The following ADGRL2 variants were observed in gnomAD, a reference collection of about 807,000 sequenced individuals.
The protein encoded by ADGRL2 is calcium-independent alpha-latrotoxin receptor 2.
Under a neutral mutation model 157.4 loss-of-function variants are expected in ADGRL2, and 44 were observed. The observed-to-expected ratio is 0.28, with a 90% CI of 0.22 to 0.36. The LOEUF is 0.36. Ranked by LOEUF, ADGRL2 falls within the 10% of genes least tolerant of loss-of-function variation. ADGRL2 has a pLI of 1.00. For missense variants in ADGRL2, 1,510 were observed against 1,768.9 expected, an observed-to-expected ratio of 0.85 and a Z score of 2.63; for synonymous variants, 585 against 624.7, an observed-to-expected ratio of 0.94 and a Z score of 0.95.
intron 3 of ADGRL2, among the ~76,000 whole-genome samples, chr1:81,593,905 G>A (rs756584584): frequency 6.6e-6 from 1 of 152,164 alleles, no homozygotes; most frequent in Non-Finnish European, 1.5e-5. Context: ...ATTTTGCGAA[G>A]TTTGTTGGCA....
chr1:81,853,497 G>C (rs2093091482), intron 2 of ADGRL2, among the ~76,000 whole-genome samples: 1 of 152,112 alleles, frequency 6.6e-6, no homozygotes, highest in South Asian at 2.1e-4. Context: ...TGTTGGCCCA[G>C]AGATCCTGGT....
At chr1:81,808,684 T>C (rs1306234375) in intron 1 of ADGRL2, among the ~76,000 whole-genome samples, 3 of 152,114 alleles carry the variant, frequency 2.0e-5, no homozygotes, top group African/African-American at 7.2e-5. Flanking sequence ...TAGGTTATTA[T>C]CAGCGACCAA....
chr1:81,730,030 T>C (rs2084667219), intron 1 of ADGRL2, among the ~76,000 whole-genome samples: 1 of 152,150 alleles, frequency 6.6e-6, no homozygotes, highest in African/African-American at 2.4e-5. Context: ...CAGACAAAGA[T>C]GTCAAAGCTG....
At chr1:81,986,044 T>G (rs1475605636) in intron 21 of ADGRL2, among the ~76,000 whole-genome samples, 2 of 152,080 alleles carry the variant, frequency 1.3e-5, no homozygotes, top group Non-Finnish European at 2.9e-5. Flanking sequence ...TCTAGTGAGA[T>G]TCTCATTTAA....
chr1:81,827,596 C>T (rs372779314), intron 1 of ADGRL2, among the ~76,000 whole-genome samples: 12 of 152,186 alleles, frequency 7.9e-5, no homozygotes, highest in African/African-American at 2.9e-4. Context: ...GATAGAATCT[C>T]TCTTCGTCAC....
At chr1:81,334,499 C>T (rs1233581406) in intron 1 of ADGRL2, among the ~76,000 whole-genome samples, 1 of 152,040 alleles carries the variant, frequency 6.6e-6, no homozygotes, top group Non-Finnish European at 1.5e-5. Flanking sequence ...AGGATATTAC[C>T]ATTTTAGTGG....
At chr1:81,425,171 C>A (rs1003228223) in intron 1 of ADGRL2, among the ~76,000 whole-genome samples, 2 of 152,160 alleles carry the variant, frequency 1.3e-5, no homozygotes, top group African/African-American at 2.4e-5. Flanking sequence ...TCTATACTTT[C>A]ATCCTTTTCA....
At chr1:81,542,472 G>A (rs934557243) in intron 2 of ADGRL2, among the ~76,000 whole-genome samples, 21 of 152,282 alleles carry the variant, frequency 1.4e-4, no homozygotes, top group Non-Finnish European at 2.6e-4. Context: ...TAGGCGAGGC[G>A]TGGTTACAGC....
At chr1:81,502,788 C>G in intron 2 of ADGRL2, 2 of 1,613,024 alleles carry the variant, frequency 1.2e-6, no homozygotes. Flanking sequence ...ACAGCTCCTC[C>G]CTCTTTGGCT....
chr1:81,561,813 T>A lies in ADGRL2; in HGVS notation c.-247-19063T>A, dbSNP rs2080449813. Reference sequence around the variant, plus strand: ...TGATATCACTTTGATTATAGGATTTTCATGAAACAATTACTGCTCTATGTC... The same window carrying A: ...TGATATCACTTTGATTATAGGATTTACATGAAACAATTACTGCTCTATGTC... On this transcript the variant is annotated intron_variant, in intron 2 of 24. Coordinates refer to the ADGRL2 transcript ENST00000370721. Among the ~76,000 whole-genome samples the A allele has an allele frequency of 2.0e-5, 3 of 152,170 alleles. No homozygotes were observed. In the South Asian group the frequency reaches 6.2e-4, roughly 32 times the overall value.
intron 2 of ADGRL2, among the ~76,000 whole-genome samples, chr1:81,468,208 A>G (rs2078100283): frequency 6.6e-6 from 1 of 152,200 alleles, no homozygotes; most frequent in South Asian, 2.1e-4. Context: ...TGATTCTAGC[A>G]TTGACCAGTA....
At chr1:81,617,798 G>T (rs2081694570) in intron 3 of ADGRL2, among the ~76,000 whole-genome samples, 1 of 152,168 alleles carries the variant, frequency 6.6e-6, no homozygotes, top group African/African-American at 2.4e-5. Context: ...ATTCCCCGTG[G>T]AATTACCTCA....
At chr1:81,601,433 T>G (rs2081332124) in intron 3 of ADGRL2, among the ~76,000 whole-genome samples, 1 of 152,154 alleles carries the variant, frequency 6.6e-6, no homozygotes, top group Non-Finnish European at 1.5e-5. Context: ...TCTTATCAAT[T>G]TGGTGTATGT....
rs1361063344 is a variant in ADGRL2 at position 81,478,068 on chromosome 1, A to T, written c.-248+32979A>T. Among the ~76,000 whole-genome samples, 5 of 148,512 alleles carry T rather than the reference A, an allele frequency of 3.4e-5. No homozygotes were observed. The South Asian group carries it at 1.0e-3, about 31-fold the overall frequency. On this transcript the variant is annotated intron_variant, in intron 2 of 24. Coordinates refer to the ADGRL2 transcript ENST00000370721. The stretch of plus-strand genomic sequence containing the variant: ...TTTTGGGGGTTTTCTTTAAACATAC[A>T]CTTTAATGTATTGTCTTTAAAAAAA...
intron 2 of ADGRL2, among the ~76,000 whole-genome samples, chr1:81,873,249 A>G (rs753990305): frequency 6.6e-6 from 1 of 152,238 alleles, no homozygotes; most frequent in East Asian, 1.9e-4. Flanking sequence ...TGTACTCTTA[A>G]TAGTGAACTA....
intron 1 of ADGRL2, among the ~76,000 whole-genome samples, chr1:81,730,054 T>C (rs2084667919): frequency 6.6e-6 from 1 of 152,160 alleles, no homozygotes; most frequent in Non-Finnish European, 1.5e-5. Flanking sequence ...AGATGCTCTT[T>C]AATCCAGTGA....
chr1:81,409,460 T>A (rs1003046803), intron 1 of ADGRL2, among the ~76,000 whole-genome samples: 6 of 152,190 alleles, frequency 3.9e-5, no homozygotes, highest in African/African-American at 1.4e-4. Flanking sequence ...TACCTTCTAT[T>A]TTTGGCACAG....
intron 3 of ADGRL2, among the ~76,000 whole-genome samples, chr1:81,655,117 A>C (rs1324268733): frequency 1.3e-5 from 2 of 152,058 alleles, no homozygotes; most frequent in Admixed American, 1.3e-4. Context: ...TCTGGCCTCA[A>C]CCTTCCAAGT....
At chr1:81,871,305 G>T (rs927513087) in intron 2 of ADGRL2, among the ~76,000 whole-genome samples, 2 of 151,624 alleles carry the variant, frequency 1.3e-5, no homozygotes, top group Admixed American at 6.6e-5. Context: ...TGGTGTATAT[G>T]TGCCACATTT....
Sources: gnomAD v4.1 joint callset for allele counts (sites outside exome capture counted in the v4.1 genomes callset) on GRCh38, gnomAD v4.1.1 for gene constraint, MANE v1.5 for transcripts, NCBI Gene and HGNC (gene_info 2026-07-23, HGNC 2026-07-21) for gene names.